ESR1: variants seen among roughly 807,000 people sequenced by gnomAD.
The protein encoded by ESR1 is estrogen receptor.
Under a neutral mutation model 52.7 loss-of-function variants are expected in ESR1, and 12 were observed. The ratio of observed to expected loss-of-function variants is 0.23; its 90% confidence interval spans 0.15 to 0.37. The LOEUF (loss-of-function observed/expected upper bound fraction) is 0.37, where lower values mean the gene tolerates loss of function less well. Among genes scored for constraint, ESR1 ranks in the 10% least tolerant of loss-of-function variants. ESR1 has a pLI of 1.00. For synonymous variants in ESR1, 305 were observed against 316.8 expected (o/e 0.96, Z 0.39); for missense variants, 584 against 779.7 (o/e 0.75, Z 2.99).
rs1301146743 is a variant in ESR1 at position 151,659,292 on chromosome 6, C to T, written n.73+2529C>T. ...CCTCCCAGAGTGCTGGGATTACAGGCGTGAGCCACTGTGCCCGGCCTGCTA... is the reference window on the plus strand; with the variant it reads ...CCTCCCAGAGTGCTGGGATTACAGGTGTGAGCCACTGTGCCCGGCCTGCTA... On this transcript the variant is annotated intron_variant and non_coding_transcript_variant, in intron 1 of 2. Transcript: ENST00000473497. Among the ~76,000 whole-genome samples, 5 of 152,296 alleles carry T rather than the reference C, an allele frequency of 3.3e-5. No individual in the cohort carries two copies. In the East Asian group the frequency reaches 9.7e-4, roughly 29 times the overall value.
At chr6:151,802,178 G>A (rs948579767), upstream of ESR1, among the ~76,000 whole-genome samples, 3 of 152,060 alleles carry the variant, frequency 2.0e-5, no homozygotes, top group African/African-American at 7.2e-5. Flanking sequence ...AAAACTCAAG[G>A]TCAGGTGAAA....
intron 1 of ESR1, among the ~76,000 whole-genome samples, chr6:151,701,580 T>C (rs1779799327): frequency 6.7e-6 from 1 of 149,162 alleles, no homozygotes; most frequent in Admixed American, 6.7e-5. Context: ...AGTCATCCCG[T>C]GGGCCTGAGT....
intron 4 of ESR1, among the ~76,000 whole-genome samples, chr6:151,995,685 A>G (rs1734377324): frequency 6.6e-6 from 1 of 152,178 alleles, no homozygotes; most frequent in South Asian, 2.1e-4. Context: ...TTTATTCCAC[A>G]TGAATGGTAA....
At chr6:151,680,953 C>T (rs1778435645) in intron 1 of ESR1, among the ~76,000 whole-genome samples, 1 of 152,126 alleles carries the variant, frequency 6.6e-6, no homozygotes, top group Admixed American at 6.6e-5. Context: ...TCCTTGTCTC[C>T]CAGGGGTAGA....
chr6:151,786,995 G>A (rs1225176338), intron 2 of ESR1, among the ~76,000 whole-genome samples: 3 of 152,160 alleles, frequency 2.0e-5, no homozygotes, highest in African/African-American at 4.8e-5. Flanking sequence ...TTTTGATAGA[G>A]ACAGGGTTTC....
At chr6:152,033,171 CA>C (rs2044898040) in intron 5 of ESR1, among the ~76,000 whole-genome samples, 1 of 152,020 alleles carries the variant, frequency 6.6e-6, no homozygotes, top group South Asian at 2.1e-4. Flanking sequence ...AATGTTAGAT[CA>C]AAAACCATAA....
chr6:152,089,840 A>T (rs1311496266), intron 6 of ESR1, among the ~76,000 whole-genome samples: 1 of 152,188 alleles, frequency 6.6e-6, no homozygotes, highest in Non-Finnish European at 1.5e-5. Context: ...TGGCCTCCCA[A>T]AGTGGTGGGT....
At chr6:152,084,477 C>A (rs2982899) in intron 6 of ESR1, among the ~76,000 whole-genome samples, 8 of 151,642 alleles carry the variant, frequency 5.3e-5, no homozygotes, top group Non-Finnish European at 1.2e-4. Context: ...CCTCCCACCA[C>A]GATTCTAAGG....
exon 7 of ESR1, chr6:152,125,460 T>G (rs1370904623): frequency 1.9e-5 from 25 of 1,338,728 alleles, no homozygotes; most frequent in Non-Finnish European, 1.9e-5. Flanking sequence ...TAAATTAGTC[T>G]CTCTGGCCTT....
chr6:151,995,512 G>A (rs2041405974), intron 4 of ESR1, among the ~76,000 whole-genome samples: 1 of 152,156 alleles, frequency 6.6e-6, no homozygotes, highest in African/African-American at 2.4e-5. Context: ...CCTGCTTCAA[G>A]TAAAATTATG....
intron 2 of ESR1, among the ~76,000 whole-genome samples, chr6:151,740,266 G>A (rs892515648): frequency 8.8e-5 from 13 of 147,138 alleles, no homozygotes; most frequent in East Asian, 3.9e-4. Flanking sequence ...TTACAGGAGC[G>A]CACCACCATG....
chr6:151,717,598 A>G (rs1009256542), intron 2 of ESR1, among the ~76,000 whole-genome samples: 6 of 152,238 alleles, frequency 3.9e-5, no homozygotes, highest in African/African-American at 1.4e-4. Flanking sequence ...CATAAAGCTA[A>G]TCCAGGAAAA....
At chr6:152,107,950 C>T (rs2152512852), downstream of ESR1, among the ~76,000 whole-genome samples, 1 of 152,294 alleles carries the variant, frequency 6.6e-6, no homozygotes, top group African/African-American at 2.4e-5. Flanking sequence ...TAGGCTCAAA[C>T]ACCCTAACCC....
chr6:151,987,724 G>T (rs1435612121), intron 4 of ESR1, among the ~76,000 whole-genome samples: 1 of 152,074 alleles, frequency 6.6e-6, no homozygotes, highest in Non-Finnish European at 1.5e-5. Flanking sequence ...AAAGTCTTTG[G>T]GTGGTTGATG....
chr6:151,995,427 A>G (rs916337379), intron 4 of ESR1, among the ~76,000 whole-genome samples: 7 of 152,172 alleles, frequency 4.6e-5, no homozygotes, highest in African/African-American at 1.7e-4. Context: ...GACAGGAAGT[A>G]TGAGACACAA....
intron 4 of ESR1, among the ~76,000 whole-genome samples, chr6:151,947,500 T>G (rs570593706): frequency 2.0e-5 from 3 of 152,336 alleles, no homozygotes; most frequent in African/African-American, 7.2e-5. Context: ...GAATGATGAA[T>G]TTTTAACAAA....
chr6:151,792,435 TTATA>T (rs1776258674), intron 2 of ESR1, among the ~76,000 whole-genome samples: 1 of 152,124 alleles, frequency 6.6e-6, no homozygotes, highest in South Asian at 2.1e-4. Context: ...TTTTTTTACT[TTATA>T]AACTTTAATT....
chr6:151,851,252 C>A lies in ESR1; in HGVS notation c.643+8465C>A, dbSNP rs374770380. Among the ~76,000 whole-genome samples, 6 of 152,230 alleles carry A rather than the reference C, an allele frequency of 3.9e-5. 1 individual carries two copies. Among genetic ancestry groups the A allele is most frequent in the East Asian group, 3.9e-4 (2 of 5,164 alleles). On this transcript the variant is annotated intron_variant, in intron 2 of 7. Transcript: ENST00000206249. Reference sequence around the variant, plus strand: ...GATTTACCTGTAAAAATTCTTCGAACCCTAATCAAAAGTGACTGTTGTTAA... The same window carrying A: ...GATTTACCTGTAAAAATTCTTCGAAACCTAATCAAAAGTGACTGTTGTTAA...
At chr6:152,034,109 G>A (rs1359141394) in intron 5 of ESR1, among the ~76,000 whole-genome samples, 1 of 149,054 alleles carries the variant, frequency 6.7e-6, no homozygotes, top group Non-Finnish European at 1.5e-5. Flanking sequence ...CGTGGACACA[G>A]GAAGGGGAAC....
Sources: gnomAD v4.1 joint callset for allele counts (sites outside exome capture counted in the v4.1 genomes callset) on GRCh38, gnomAD v4.1.1 for gene constraint, MANE v1.5 for transcripts, NCBI Gene and HGNC (gene_info 2026-07-23, HGNC 2026-07-21) for gene names.